ADAMTSL3: variants seen among roughly 807,000 people sequenced by gnomAD.
The protein encoded by ADAMTSL3 is ADAMTS-like protein 3.
ADAMTSL3 carries 128 observed loss-of-function variants against 201.7 expected under a neutral mutation model. That is an observed-to-expected ratio of 0.63 (90% confidence interval 0.55 to 0.73). The LOEUF is 0.73. Ranked by LOEUF, ADAMTSL3 falls within the 30% of genes least tolerant of loss-of-function variation. The pLI, the probability that ADAMTSL3 is intolerant of heterozygous loss-of-function variation, is 0.00. For synonymous variants in ADAMTSL3, 738 were observed against 748.4 expected (o/e 0.99, Z 0.23); for missense variants, 1,990 against 2,119.6 (o/e 0.94, Z 1.20).
intron 7 of ADAMTSL3, among the ~76,000 whole-genome samples, chr15:83,858,371 G>T (rs1053271571): frequency 2.0e-5 from 3 of 152,098 alleles, no homozygotes; most frequent in African/African-American, 7.2e-5. Flanking sequence ...GATTTCCAAA[G>T]ATTTATTTAT....
At chr15:83,687,052 A>AAAC (rs1356601099) in intron 2 of ADAMTSL3, among the ~76,000 whole-genome samples, 1 of 150,498 alleles carries the variant, frequency 6.6e-6, no homozygotes, top group African/African-American at 2.4e-5. Context: ...ACAAACAAAC[A>AAAC]AACAGTTAGC....
intron 6 of ADAMTSL3, among the ~76,000 whole-genome samples, chr15:83,828,754 A>G (rs2064083443): frequency 6.6e-6 from 1 of 152,058 alleles, no homozygotes; most frequent in Non-Finnish European, 1.5e-5. Flanking sequence ...TAATTTTGTC[A>G]AAGGCCTTTT....
At chr15:83,974,185 A>C (rs1353843801) in intron 20 of ADAMTSL3, among the ~76,000 whole-genome samples, 3 of 152,196 alleles carry the variant, frequency 2.0e-5, no homozygotes, top group Non-Finnish European at 1.5e-5. Flanking sequence ...AAGCTTTCTC[A>C]GTCGCACTTA....
In ADAMTSL3 at chr15:83,890,074, T is replaced by C. The variant is rs749267621; in HGVS notation, c.1073-35T>C. ...CTCTGCCAAGTAAAAATGAAACGGATGCAATATTCAGACTTGCCTTTTCTA... is the reference window on the plus strand; with the variant it reads ...CTCTGCCAAGTAAAAATGAAACGGACGCAATATTCAGACTTGCCTTTTCTA... On this transcript the variant is annotated intron_variant, in intron 10 of 29. Transcript: ENST00000286744. 7.0e-6 allele frequency: 11 copies of C among 1,576,264 alleles called. No individual in the cohort carries two copies. In the Admixed American group the frequency reaches 1.9e-4, roughly 27 times the overall value.
chr15:83,941,250 TTTTA>T (rs2066554470), intron 17 of ADAMTSL3, among the ~76,000 whole-genome samples: 1 of 151,898 alleles, frequency 6.6e-6, no homozygotes, highest in South Asian at 2.1e-4. Context: ...CTACTTTTCA[TTTTA>T]TTTTTATTTA....
intron 3 of ADAMTSL3, among the ~76,000 whole-genome samples, chr15:83,769,100 T>G: frequency 6.6e-6 from 1 of 152,198 alleles, no homozygotes. Context: ...AAGATTCTTT[T>G]TTTTTTTTGT....
chr15:83,901,446 A>G (rs1381411842), intron 15 of ADAMTSL3, among the ~76,000 whole-genome samples: 3 of 152,316 alleles, frequency 2.0e-5, no homozygotes, highest in Non-Finnish European at 1.5e-5. Context: ...AGAAAAGCCT[A>G]CTTTGATTAA....
rs548117657 is a variant in ADAMTSL3, at chr15:83,961,417, G to C, written c.2491-9067G>C. On this transcript the variant is annotated intron_variant, in intron 19 of 29. Coordinates refer to ENST00000286744, the MANE Select transcript of ADAMTSL3 (RefSeq NM_207517.3). ...AAAAGTATTCAGAGACAAAATAAGG[G>C]GAATTAATTCCCTTTAATAAAAGCT... 2.0e-5 allele frequency among the ~76,000 whole-genome samples: 3 copies of C among 152,122 alleles called. No homozygotes were observed. The East Asian group carries it at 5.8e-4, about 29-fold the overall frequency.
intron 27 of ADAMTSL3, among the ~76,000 whole-genome samples, chr15:84,029,240 A>T (rs2068360188): frequency 6.6e-6 from 1 of 152,184 alleles, no homozygotes; most frequent in Non-Finnish European, 1.5e-5. Context: ...AGAGTTTGGA[A>T]CTTCCTAGAG....
At chr15:83,932,794 G>A (rs561088756) in intron 17 of ADAMTSL3, among the ~76,000 whole-genome samples, 17 of 152,272 alleles carry the variant, frequency 1.1e-4, no homozygotes, top group South Asian at 6.2e-4. Context: ...ATGAGCATTA[G>A]CTCATAATCA....
At position 83,689,148 on chromosome 15, in the gene ADAMTSL3, A is replaced by G. The variant is rs72761835; in HGVS notation, c.70-15241A>G. ...TAAAACTTATTTTATTATAAAATGTATATACAAAAGAATTCATATAACGTG... is the reference window on the plus strand; with the variant it reads ...TAAAACTTATTTTATTATAAAATGTGTATACAAAAGAATTCATATAACGTG... On this transcript the variant is annotated intron_variant, in intron 2 of 29. Transcript: ENST00000286744. Among the ~76,000 whole-genome samples, 626 of 152,328 alleles carry G rather than the reference A, an allele frequency of 4.1e-3. 3 individuals are homozygous for G. The highest frequency in any genetic ancestry group is 6.3e-3 in the Non-Finnish European group (430 of 68,028).
intron 19 of ADAMTSL3, among the ~76,000 whole-genome samples, chr15:83,969,881 G>A (rs1316202949): frequency 1.3e-5 from 2 of 152,190 alleles, no homozygotes; most frequent in Non-Finnish European, 2.9e-5. Context: ...GATCTTATGT[G>A]AAGTGTTCTA....
At position 83,824,903 on chromosome 15, in the gene ADAMTSL3, C is replaced by T. The variant is rs527704287; in HGVS notation, c.600+4856C>T. On this transcript the variant is annotated intron_variant, in intron 6 of 29. Coordinates refer to ENST00000286744, the MANE Select transcript of ADAMTSL3 (RefSeq NM_207517.3). The stretch of plus-strand genomic sequence containing the variant: ...TTCACAAATTTGCATGTCATCTTGG[C>T]GCAGGGGCCATGCTAATCATCTCTG... 20 of 152,032 alleles carry T rather than the reference C, an allele frequency of 1.3e-4. No homozygotes were observed. The East Asian group carries it at 1.4e-3, about 10-fold the overall frequency. 9.4% of individuals were successfully genotyped at this position (152,032 alleles called of 1,614,324 possible). A position where few individuals can be genotyped will look rare whatever the true frequency, so the allele number is the denominator to read the frequency against.
intron 7 of ADAMTSL3, among the ~76,000 whole-genome samples, chr15:83,846,297 C>T (rs1252410332): frequency 2.0e-5 from 3 of 152,216 alleles, no homozygotes; most frequent in Non-Finnish European, 4.4e-5. Context: ...ACTATACCCT[C>T]CCCATTTAAC....
chr15:84,025,387 G>A lies in ADAMTSL3; in HGVS notation c.4607G>A (p.Arg1536Lys). The change falls in exon 27 of 30, where the codon AGA (arginine) becomes AAA (lysine). Residue 1536 changes from arginine (R) to lysine (K), a missense_variant. By Grantham distance (26) the Arg-to-Lys change is conservative. Transcript: ENST00000286744. ...GCCCCTAAAGACCGGCCTCTGGGAA[G>A]AAAACCATGTTTTGGTCATCCATGT... is the stretch of plus-strand genomic sequence containing the variant. ...ACAPKDRPLG[R>K]KPCFGHPCVQ... The A allele has an allele frequency of 2.5e-6, 4 of 1,614,136 alleles. No homozygotes were observed. The highest frequency in any genetic ancestry group is 1.7e-6 in the Non-Finnish European group (2 of 1,180,004).
chr15:83,672,254 A>G (rs1166205761), intron 2 of ADAMTSL3, among the ~76,000 whole-genome samples: 1 of 152,120 alleles, frequency 6.6e-6, no homozygotes, highest in East Asian at 1.9e-4. Context: ...AGTTTGTGAA[A>G]AGAGTGACCC....
chr15:83,693,768 G>A (rs1163110675), intron 2 of ADAMTSL3, among the ~76,000 whole-genome samples: 1 of 152,048 alleles, frequency 6.6e-6, no homozygotes, highest in Non-Finnish European at 1.5e-5. Context: ...AGCTCCTTGG[G>A]AAAAGTGATT....
At chr15:83,738,570 T>C (rs1209465654) in intron 3 of ADAMTSL3, among the ~76,000 whole-genome samples, 1 of 152,192 alleles carries the variant, frequency 6.6e-6, no homozygotes, top group Admixed American at 6.5e-5. Context: ...TATAAAGTTG[T>C]TAAATTTTAT....
At chr15:83,667,881 A>C (rs1453330112) in intron 2 of ADAMTSL3, among the ~76,000 whole-genome samples, 1 of 152,152 alleles carries the variant, frequency 6.6e-6, no homozygotes, top group Non-Finnish European at 1.5e-5. Context: ...AACCCTTTCC[A>C]TAACAAAGAG....
Sources: allele counts gnomAD v4.1 joint callset (sites outside exome capture counted in the v4.1 genomes callset), GRCh38; gene constraint gnomAD v4.1.1; transcripts MANE v1.5; gene names NCBI Gene and HGNC (gene_info 2026-07-23, HGNC 2026-07-21).